The following EXOC2 variants were observed in gnomAD, a reference collection of about 807,000 sequenced individuals.
The protein encoded by EXOC2 is SEC5-like 1.
A neutral mutation model predicts 131.8 loss-of-function variants in EXOC2; 70 were observed. That is an observed-to-expected ratio of 0.53 (90% confidence interval 0.44 to 0.65). The LOEUF (loss-of-function observed/expected upper bound fraction) is 0.65, where lower values mean the gene tolerates loss of function less well. EXOC2 is among the 30% of genes least tolerant of loss of function. EXOC2 has a pLI of 0.00. For missense variants in EXOC2, 923 were observed against 1,108.6 expected (o/e 0.83, Z 2.38); for synonymous variants, 411 against 398.4 (o/e 1.03, Z -0.38).
intron 3 of EXOC2, among the ~76,000 whole-genome samples, chr6:631,836 A>G (rs573966272): frequency 1.4e-4 from 21 of 152,350 alleles, no homozygotes; most frequent in African/African-American, 5.1e-4. Flanking sequence ...GTACATGTAC[A>G]TATATAAAGT....
intron 2 of EXOC2, among the ~76,000 whole-genome samples, chr6:637,340 C>G (rs1193741): frequency 0.71 from 107,493 of 151,986 alleles, 38,649 homozygotes; most frequent in Middle Eastern, 0.86. Flanking sequence ...GTAATTCACA[C>G]AGCCCCTGAG....
intron 6 of EXOC2, among the ~76,000 whole-genome samples, chr6:610,740 C>T (rs980907730): frequency 6.6e-6 from 1 of 152,216 alleles, no homozygotes; most frequent in Non-Finnish European, 1.5e-5. Flanking sequence ...ACTATGAATA[C>T]ACACTCAATG....
intron 23 of EXOC2, among the ~76,000 whole-genome samples, chr6:505,021 GACAAT>G (rs1402710555): frequency 6.6e-6 from 1 of 152,126 alleles, no homozygotes; most frequent in East Asian, 1.9e-4. Context: ...ATTAAGTTTG[GACAAT>G]GGTCCTGCCA....
At chr6:593,811 C>T (rs888432246) in intron 10 of EXOC2, among the ~76,000 whole-genome samples, 18 of 152,346 alleles carry the variant, frequency 1.2e-4, no homozygotes, top group African/African-American at 4.3e-4. Flanking sequence ...CCCATGCTTC[C>T]AGCCCATTCT....
intron 1 of EXOC2, among the ~76,000 whole-genome samples, chr6:682,700 A>G (rs1345824469): frequency 6.6e-6 from 1 of 152,218 alleles, no homozygotes; most frequent in East Asian, 1.9e-4. Context: ...CACTTATATG[A>G]AAGTTCAGAA....
intron 1 of EXOC2, among the ~76,000 whole-genome samples, chr6:667,948 GC>G (rs1192015253): frequency 1.3e-5 from 2 of 151,966 alleles, no homozygotes; most frequent in Non-Finnish European, 2.9e-5. Flanking sequence ...TCTCTGGAAA[GC>G]CCTAATACAC....
chr6:572,616 C>T lies in EXOC2; in HGVS notation c.1347G>A (p.Val449=). ...GTTTTGTCAATTTTTCAACAAAGGCCACCCTGTGGGGAGTTTTGTATCTCC... is the reference window on the plus strand; with the variant it reads ...GTTTTGTCAATTTTTCAACAAAGGCTACCCTGTGGGGAGTTTTGTATCTCC... The part of the protein sequence containing the change: ...DTWRYKTPHR[V]AFVEKLTKLV... Residue 449 remains valine (V), a synonymous_variant, in exon 13 of 28, where the codon GTG becomes GTA. Coordinates refer to ENST00000230449, the MANE Select transcript of EXOC2 (RefSeq NM_018303.6). 6.2e-7 allele frequency: 1 copy of T among 1,614,070 alleles called. No individual in the cohort carries two copies. The highest frequency in any genetic ancestry group is 8.5e-7 in the Non-Finnish European group (1 of 1,180,008).
chr6:597,301 T>C (rs1234171820), intron 10 of EXOC2, among the ~76,000 whole-genome samples: 3 of 151,904 alleles, frequency 2.0e-5, no homozygotes, highest in Non-Finnish European at 4.4e-5. Flanking sequence ...CTCAGCCTCC[T>C]GAGTAGCTGG....
chr6:503,272 T>TG (rs1268310158), intron 23 of EXOC2, among the ~76,000 whole-genome samples: 14 of 152,202 alleles, frequency 9.2e-5, no homozygotes, highest in African/African-American at 3.4e-4. Context: ...TCCTACTACA[T>TG]GGAGGATGCC....
intron 19 of EXOC2, 44 bp from the exon 20 acceptor site, chr6:555,332 C>G: frequency 8.0e-7 from 1 of 1,249,556 alleles, no homozygotes; most frequent in South Asian, 1.6e-5. Context: ...GGAATGAACT[C>G]CTAGACATTA....
intron 11 of EXOC2, among the ~76,000 whole-genome samples, chr6:581,994 G>T (rs1758930948): frequency 6.6e-6 from 1 of 152,120 alleles, no homozygotes; most frequent in Non-Finnish European, 1.5e-5. Context: ...TTGTTTTCAG[G>T]AGTTGCAGAA....
chr6:626,273 T>G (rs773621443), intron 4 of EXOC2, among the ~76,000 whole-genome samples: 2 of 152,122 alleles, frequency 1.3e-5, no homozygotes, highest in Admixed American at 1.3e-4. Context: ...GTCTTAACAG[T>G]CAAAGACAGC....
intron 4 of EXOC2, among the ~76,000 whole-genome samples, chr6:628,441 T>C (rs1346031603): frequency 6.6e-6 from 1 of 152,028 alleles, no homozygotes; most frequent in Non-Finnish European, 1.5e-5. Flanking sequence ...GCAACAGGAA[T>C]AATAAAGAGA....
chr6:569,401 T>C (rs1381515805), intron 13 of EXOC2, among the ~76,000 whole-genome samples: 1 of 152,240 alleles, frequency 6.6e-6, no homozygotes, highest in East Asian at 1.9e-4. Context: ...CTGACTATTT[T>C]TTAAACTGTT....
In EXOC2 at chr6:553,913, C is replaced by G. The variant is rs776712896; in HGVS notation, c.2062G>C (p.Val688Leu). 24 of 1,613,768 alleles carry G rather than the reference C, an allele frequency of 1.5e-5. No homozygotes were observed. The highest frequency in any genetic ancestry group is 1.9e-5 in the Non-Finnish European group (23 of 1,179,798). Residue 688 changes from valine to leucine, a missense_variant, in exon 21 of 28, where the codon GTT becomes CTT. By Grantham distance (32) the Val-to-Leu change is conservative (BLOSUM62 1). Transcript: ENST00000230449. ...AACAAGTCAGGGGAAGAAACATCAA[C>G]AGAGAGACTGAACATAGAAGCAAGT... Reference protein sequence around the residue: ...DADIDTTHLSVDVSSPDLFGS... With the variant: ...DADIDTTHLSLDVSSPDLFGS...
At chr6:520,797 C>T (rs1437923598) in intron 23 of EXOC2, among the ~76,000 whole-genome samples, 5 of 141,630 alleles carry the variant, frequency 3.5e-5, no homozygotes, top group African/African-American at 8.3e-5. Context: ...CAACACTCAC[C>T]GTCCACACTC....
At chr6:582,835 A>C (rs1758990362) in intron 11 of EXOC2, among the ~76,000 whole-genome samples, 1 of 152,100 alleles carries the variant, frequency 6.6e-6, no homozygotes, top group African/African-American at 2.4e-5. Context: ...AAATTAAACA[A>C]AGGGAGGCAC....
At chr6:502,679 A>AC (rs1223181448) in intron 23 of EXOC2, among the ~76,000 whole-genome samples, 9 of 151,900 alleles carry the variant, frequency 5.9e-5, no homozygotes, top group Non-Finnish European at 1.2e-4. Flanking sequence ...AAAATTTGGA[A>AC]AAAAAAAATC....
intron 22 of EXOC2, 48 bp from the exon 23 acceptor site, chr6:532,658 G>A (rs1317762472): frequency 2.9e-6 from 4 of 1,370,048 alleles, no homozygotes; most frequent in Non-Finnish European, 2.9e-6. Flanking sequence ...GAGGGTGATG[G>A]AAAAAGTAAA....
Sources: allele counts gnomAD v4.1 joint callset (sites outside exome capture counted in the v4.1 genomes callset), GRCh38; gene constraint gnomAD v4.1.1; transcripts MANE v1.5; gene names NCBI Gene and HGNC (gene_info 2026-07-23, HGNC 2026-07-21).